The following FAM153A variants were observed in gnomAD, a reference collection of about 807,000 sequenced individuals.
FAM153A encodes the protein family with sequence similarity 153 member A.
In FAM153A, 12 loss-of-function variants were observed where a neutral mutation model predicts 48.1. That is an observed-to-expected ratio of 0.25 (90% CI 0.16 to 0.40). The LOEUF is 0.40. Ranked by LOEUF, FAM153A falls within the 10% of genes least tolerant of loss-of-function variation. The pLI is 1.00. For missense variants in FAM153A, 111 were observed against 345.8 expected (o/e 0.32, Z 5.38); for synonymous variants, 36 against 118.2 (o/e 0.30, Z 4.51).
At chr5:177,734,164 A>C (rs1385415528) in intron 14 of FAM153A, among the ~76,000 whole-genome samples, 1 of 118,686 alleles carries the variant, frequency 8.4e-6, no homozygotes, top group Non-Finnish European at 1.9e-5. Context: ...ACGGGATCCC[A>C]CCCCACCTTC....
intron 14 of FAM153A, among the ~76,000 whole-genome samples, 157 bp downstream of exon 16, chr5:177,734,223 T>C (rs929858191): frequency 9.3e-6 from 1 of 107,276 alleles, no homozygotes; most frequent in Non-Finnish European, 2.0e-5. Flanking sequence ...CACTGTTTCT[T>C]ATCTAGAAAA....
chr5:177,695,772 T>G, the FAM153A span, among the ~76,000 whole-genome samples: 1 of 151,818 alleles, frequency 6.6e-6, no homozygotes, highest in African/African-American at 2.4e-5. Flanking sequence ...CGCTGTCTCT[T>G]CGGGGCTGTT....
At chr5:177,716,155 C>T (rs181449763) in intron 25 of FAM153A, among the ~76,000 whole-genome samples, 1,950 of 151,090 alleles carry the variant, frequency 0.013, 90 homozygotes, top group African/African-American at 0.046. Flanking sequence ...AGCTAATTTT[C>T]GTGTTTTTAG....
At chr5:177,783,015 A>G (rs1362025562), upstream of FAM153A, 1 of 94,592 alleles carries the variant, frequency 1.1e-5, no homozygotes, top group Non-Finnish European at 2.2e-5. Flanking sequence ...CTCCTTCCGA[A>G]GAGAGATCTG....
At chr5:177,758,004 G>T (rs1236049082), upstream of FAM153A, among the ~76,000 whole-genome samples, 1 of 151,892 alleles carries the variant, frequency 6.6e-6, no homozygotes, top group African/African-American at 2.4e-5. Flanking sequence ...GAAATAAAGG[G>T]TATTCAATTA....
At chr5:177,713,271 T>TTGA (rs1758817567) in intron 26 of FAM153A, 3 of 147,058 alleles carry the variant, frequency 2.0e-5, no homozygotes, top group African/African-American at 8.1e-5. Context: ...TTTTTTTTTT[T>TTGA]GAGGAGTCTC....
At chr5:177,753,625 T>C (rs1050970555), upstream of FAM153A, among the ~76,000 whole-genome samples, 2 of 150,172 alleles carry the variant, frequency 1.3e-5, no homozygotes, top group African/African-American at 2.5e-5. Context: ...CTACTATTCC[T>C]GAGTCACCAG....
chr5:177,755,598 A>G (rs1469569873), upstream of FAM153A, among the ~76,000 whole-genome samples: 1 of 151,806 alleles, frequency 6.6e-6, no homozygotes, highest in African/African-American at 2.4e-5. Context: ...AGGTCGGGTT[A>G]CCCACAAAGG....
chr5:177,741,588 G>A lies in FAM153A; in HGVS notation c.365-256C>T, dbSNP rs552148932. Among the ~76,000 whole-genome samples the A allele has an allele frequency of 5.5e-3, 497 of 90,586 alleles. 40 individuals are homozygous for A. Among genetic ancestry groups the A allele is most frequent in the African/African-American group, 0.018 (475 of 26,970 alleles). The allele number at this position is 90,586 out of a possible 152,430, so 59.4% of individuals were successfully genotyped here. On this transcript the variant is annotated intron_variant, in intron 6 of 20. Coordinates refer to ENST00000614127, the Ensembl canonical transcript of FAM153A. ...GCAGTGTCTCATCATTCCCCTATGCGTTTTGAGGCCTGGGAAATTTCCACT... is the reference window on the plus strand; with the variant it reads ...GCAGTGTCTCATCATTCCCCTATGCATTTTGAGGCCTGGGAAATTTCCACT...
chr5:177,768,848 CCTGA>C (rs995488959), intron 1 of FAM153A, among the ~76,000 whole-genome samples: 2 of 113,402 alleles, frequency 1.8e-5, no homozygotes, highest in African/African-American at 7.1e-5. Flanking sequence ...AACATCAAGG[CCTGA>C]CTATCTAGGA....
At position 177,729,516 on chromosome 5, in the gene FAM153A, G is replaced by A. The variant is rs144954733; in HGVS notation, c.902C>T (p.Thr301Ile). 4.1e-3 allele frequency: 6,579 copies of A among 1,599,764 alleles called. 7 individuals are homozygous for A. In the African/African-American group the frequency reaches 0.056, roughly 14 times the overall value. ...AACCCCTGTGGCTTCCTCAGAGACT[G>A]TCTGCTCTGGCACATGCTCCTCCAG... Residue 301 changes from threonine to isoleucine, a missense_variant, in exon 17 of 21, where the codon ACA (threonine) becomes ATA (isoleucine). This residue lies in a region of FAM153A where 35 missense variants were observed against 136.8 expected (regional missense o/e 0.26). Transcript: ENST00000614127.
chr5:177,781,359 G>A (rs575176828), upstream of FAM153A, among the ~76,000 whole-genome samples: 2,712 of 138,468 alleles, frequency 0.02, 47 homozygotes, highest in African/African-American at 0.064. Context: ...CTGACCTCGT[G>A]ATCCGCCCAC....
intron 1 of FAM153A, among the ~76,000 whole-genome samples, chr5:177,761,322 T>C (rs1489538801): frequency 6.6e-6 from 1 of 151,654 alleles, no homozygotes; most frequent in East Asian, 1.9e-4. Context: ...TTTTTTTTTT[T>C]CCTAGAGTGA....
chr5:177,714,584 AC>A (rs1349505435), intron 25 of FAM153A, among the ~76,000 whole-genome samples: 1 of 85,402 alleles, frequency 1.2e-5, no homozygotes, highest in African/African-American at 4.9e-5. Context: ...ATCAAAATAG[AC>A]ATATCCGAAG....
rs960029237 is a variant in FAM153A at position 177,734,194 on chromosome 5, G to A, written c.760+186C>T. On this transcript the variant is annotated intron_variant, in intron 14 of 20. Transcript: ENST00000614127. ...ACCTTCAGAGAACACAGCTGCTCCCGGGGACTGCAGAATGTGGCCACTGTT... is the reference window on the plus strand; with the variant it reads ...ACCTTCAGAGAACACAGCTGCTCCCAGGGACTGCAGAATGTGGCCACTGTT... Among the ~76,000 whole-genome samples, 2 of 113,876 alleles carry A rather than the reference G, an allele frequency of 1.8e-5. 1 individual carries two copies. Among genetic ancestry groups the A allele is most frequent in the African/African-American group, 6.1e-5 (2 of 32,986 alleles). The allele number at this position is 113,876 out of a possible 152,430, so 74.7% of individuals were successfully genotyped here.
intron 1 of FAM153A, among the ~76,000 whole-genome samples, chr5:177,758,814 C>T (rs1768010009): frequency 2.1e-5 from 3 of 140,202 alleles, no homozygotes; most frequent in African/African-American, 7.5e-5. Context: ...ACACCTTTTA[C>T]AAAAATTAAT....
At chr5:177,711,076 T>C (rs867038562) in exon 27 of FAM153A, 32 of 152,002 alleles carry the variant, frequency 2.1e-4, no homozygotes, top group African/African-American at 7.7e-4. Context: ...TCCATAGCAA[T>C]GTTTAATGCT....
At chr5:177,700,674 C>T in the FAM153A span, among the ~76,000 whole-genome samples, 5 of 151,780 alleles carry the variant, frequency 3.3e-5, no homozygotes, top group South Asian at 4.2e-4. Flanking sequence ...TGGTGGCAGG[C>T]GCCTGTAATC....
intron 1 of FAM153A, among the ~76,000 whole-genome samples, chr5:177,772,941 G>A (rs1279630775): frequency 9.4e-5 from 2 of 21,344 alleles, no homozygotes; most frequent in African/African-American, 1.2e-4. Context: ...CCTCAAGTGG[G>A]TCCCTGACCC....
Sources: allele counts gnomAD v4.1 joint callset (sites outside exome capture counted in the v4.1 genomes callset), GRCh38; gene constraint gnomAD v4.1.1; regional missense constraint gnomAD v4.1.1; transcripts MANE v1.5; gene names NCBI Gene and HGNC (gene_info 2026-07-23, HGNC 2026-07-21).